Variants in MED9 observed in about 807,000 individuals in gnomAD.
The protein encoded by MED9 is mediator complex subunit 9.
MED9 carries 8 observed loss-of-function variants against 13.2 expected under a neutral mutation model. The observed-to-expected ratio is 0.61, with a 90% confidence interval of 0.36 to 1.10. The LOEUF (loss-of-function observed/expected upper bound fraction) is 1.10. MED9 is among the 50% of genes least tolerant of loss of function. The pLI, the probability that MED9 is intolerant of heterozygous loss-of-function variation, is 0.02. For missense variants in MED9, 180 were observed against 193.4 expected, an observed-to-expected ratio of 0.93 and a Z score of 0.41; for synonymous variants, 87 against 82.8, an observed-to-expected ratio of 1.05 and a Z score of -0.28.
rs567837830 is a variant in MED9 at position 17,489,552 on chromosome 17, G to C, written c.225-1727G>C. ...TAAATTCGTAACGGTATGTTAACAC[G>C]CATGCCATCCGAGTAGAAGGATTTC... On this transcript the variant is annotated intron_variant, in intron 1 of 1. Transcript: ENST00000268711. 2.6e-5 allele frequency among the ~76,000 whole-genome samples: 4 copies of C among 152,170 alleles called. No homozygotes were observed. In the South Asian group the frequency reaches 8.3e-4, roughly 32 times the overall value.
intron 1 of MED9, chr17:17,488,462 A>G (rs1905174841): frequency 6.6e-6 from 1 of 152,274 alleles, no homozygotes; most frequent in African/African-American, 2.4e-5. Context: ...TGACACGGAT[A>G]CAACTGTCTG....
chr17:17,487,158 C>A (rs898112107), intron 1 of MED9: 1 of 152,212 alleles, frequency 6.6e-6, no homozygotes, highest in Non-Finnish European at 1.5e-5. Context: ...CTGATGGGGA[C>A]GGGGAGAACC....
intron 1 of MED9, among the ~76,000 whole-genome samples, chr17:17,480,229 C>T (rs912518163): frequency 6.6e-6 from 1 of 152,030 alleles, no homozygotes; most frequent in African/African-American, 2.4e-5. Context: ...AGAGAAAGTT[C>T]ACAGTCTGAA....
In MED9 at chr17:17,491,869, T is replaced by G. The variant is rs1276491655; in HGVS notation, c.*374T>G. ...AGAGCACAGTAGGAAGGGAGGCGGCTCCTCTTTGCTTCCTTCCCTCTCTCT... is the reference window on the plus strand; with the variant it reads ...AGAGCACAGTAGGAAGGGAGGCGGCGCCTCTTTGCTTCCTTCCCTCTCTCT... On this transcript the variant is annotated 3_prime_UTR_variant, in exon 2 of 2. Coordinates refer to ENST00000268711, the MANE Select transcript of MED9 (RefSeq NM_018019.3). 2 of 296,390 alleles carry G rather than the reference T, an allele frequency of 6.7e-6. No individual in the cohort carries two copies. The highest frequency in any genetic ancestry group is 4.6e-5 in the Admixed American group (1 of 21,778). 18.4% of individuals were successfully genotyped at this position (296,390 alleles called of 1,614,324 possible). A position where few individuals can be genotyped will look rare whatever the true frequency, so the allele number is the denominator to read the frequency against.
chr17:17,490,573 G>T (rs1280335355), intron 1 of MED9, among the ~76,000 whole-genome samples: 1 of 152,224 alleles, frequency 6.6e-6, no homozygotes, highest in Non-Finnish European at 1.5e-5. Context: ...CGAACCGTCT[G>T]CCTTGAAAGT....
Position 17,493,182 on chromosome 17 carries a change from A to G in MED9, c.*1687A>G, listed in dbSNP as rs1905276828. ...CTTTTTTGACTTGTGACATTTTTCA[A>G]ACACATAATTAAAAGGACTTATGCT... On this transcript the variant is annotated 3_prime_UTR_variant, in exon 2 of 2. Coordinates refer to ENST00000268711, the MANE Select transcript of MED9 (RefSeq NM_018019.3). 6.6e-6 allele frequency: 1 copy of G among 152,194 alleles called. No individual in the cohort carries two copies. The highest frequency in any genetic ancestry group is 1.5e-5 in the Non-Finnish European group (1 of 68,036). The allele number at this position is 152,194 out of a possible 1,614,324, so 9.4% of individuals were successfully genotyped here.
chr17:17,489,549 C>T (rs188083457), intron 1 of MED9, among the ~76,000 whole-genome samples: 21 of 152,134 alleles, frequency 1.4e-4, no homozygotes, highest in Non-Finnish European at 2.5e-4. Flanking sequence ...GGTATGTTAA[C>T]ACGCATGCCA....
rs111596147 is a variant in MED9 at position 17,492,469 on chromosome 17, G to C, written c.*974G>C. On this transcript the variant is annotated 3_prime_UTR_variant, in exon 2 of 2. Transcript: ENST00000268711. The stretch of plus-strand genomic sequence containing the variant: ...CTTGTGTTGAGAGAGAGGCAACCCT[G>C]GGGGCCAGTTCAGGTGGTCCCCAAC... The C allele has an allele frequency of 9.1e-4, 134 of 146,916 alleles. No individual in the cohort carries two copies. The highest frequency in any genetic ancestry group is 3.5e-3 in the African/African-American group (128 of 36,458). The allele number at this position is 146,916 out of a possible 1,614,324, so 9.1% of individuals were successfully genotyped here. A position where few individuals can be genotyped will look rare whatever the true frequency, so the allele number is the denominator to read the frequency against.
chr17:17,483,083 A>G lies in MED9; in HGVS notation c.224+5818A>G, dbSNP rs1306690651. 6.6e-6 allele frequency among the ~76,000 whole-genome samples: 1 copy of G among 152,054 alleles called. No individual in the cohort carries two copies. The highest frequency in any genetic ancestry group is 1.5e-5 in the Non-Finnish European group (1 of 68,012). On this transcript the variant is annotated intron_variant, in intron 1 of 1. Transcript: ENST00000268711. The surrounding 1 kb of genome is among the most constrained non-coding windows in gnomAD (Gnocchi z 4.2). ...CTAGCAGCCTGCCTGATGCTAGATC[A>G]TGATGCTTTTGTTAATGGAACATTT... is the stretch of plus-strand genomic sequence containing the variant.
intron 1 of MED9, among the ~76,000 whole-genome samples, chr17:17,490,608 G>C (rs1244953087): frequency 1.3e-5 from 2 of 152,206 alleles, no homozygotes; most frequent in Non-Finnish European, 2.9e-5. Flanking sequence ...GACAAGGACT[G>C]TCCATGACCA....
Position 17,477,047 on chromosome 17 carries a change from C to T in MED9, c.6C>T (p.Ala2=), listed in dbSNP as rs753941762. M[A]SAGVAAGRQA... is the part of the protein sequence containing the mutation. ...GCTAACCTACCCCCGGAGCCATGGCCTCTGCTGGGGTGGCAGCCGGGCGAC... is the reference window on the plus strand; with the variant it reads ...GCTAACCTACCCCCGGAGCCATGGCTTCTGCTGGGGTGGCAGCCGGGCGAC... Residue 2 remains alanine (A), a synonymous_variant, in exon 1 of 2, where the codon GCC becomes GCT. Transcript: ENST00000268711. The T allele has an allele frequency of 3.1e-6, 5 of 1,606,044 alleles. No homozygotes were observed. In the South Asian group the frequency reaches 4.4e-5, roughly 14 times the overall value.
intron 1 of MED9, among the ~76,000 whole-genome samples, chr17:17,478,540 C>T (rs2142468727): frequency 1.3e-5 from 2 of 152,294 alleles, no homozygotes; most frequent in Middle Eastern, 3.4e-3. Flanking sequence ...ACCCTGGCTT[C>T]ATTTGGTTTC....
chr17:17,485,531 C>A lies in MED9; in HGVS notation c.225-5748C>A, dbSNP rs534026326. 1.4e-3 allele frequency: 543 copies of A among 389,740 alleles called. 2 individuals are homozygous for A. The highest frequency in any genetic ancestry group is 0.011 in the African/African-American group (512 of 48,450). The allele number at this position is 389,740 out of a possible 1,614,324, so 24.1% of individuals were successfully genotyped here. On this transcript the variant is annotated intron_variant, in intron 1 of 1. Transcript: ENST00000268711. The stretch of plus-strand genomic sequence containing the variant: ...GCTGGTCTAGAGGAGATGGAGCTGG[C>A]AGGATGGTGGCTGGAAGAAGGGGGC...
At chr17:17,485,240 G>T in intron 1 of MED9, 1 of 397,088 alleles carries the variant, frequency 2.5e-6, no homozygotes, top group South Asian at 1.3e-4. Flanking sequence ...TCTGTCTACA[G>T]GCACACGCCA....
chr17:17,489,440 TTTTG>T (rs1031439867), intron 1 of MED9, among the ~76,000 whole-genome samples: 7 of 152,224 alleles, frequency 4.6e-5, no homozygotes, highest in Non-Finnish European at 8.8e-5. Context: ...TTAAGTACTT[TTTTG>T]TTTGTTTTAC....
At chr17:17,484,998 ATTATT>A (rs1403635260) in intron 1 of MED9, 3 of 163,588 alleles carry the variant, frequency 1.8e-5, no homozygotes, top group African/African-American at 7.1e-5. Flanking sequence ...GCCATCTGGA[ATTATT>A]TTATTTTATT....
intron 1 of MED9, chr17:17,485,262 T>C: frequency 7.5e-6 from 3 of 397,964 alleles, no homozygotes; most frequent in Non-Finnish European, 1.3e-5. Flanking sequence ...CACGCCTTTG[T>C]AAAAATACAA....
Position 17,491,765 on chromosome 17 carries a change from C to T in MED9, c.*270C>T. On this transcript the variant is annotated 3_prime_UTR_variant, in exon 2 of 2. Coordinates refer to ENST00000268711, the MANE Select transcript of MED9 (RefSeq NM_018019.3). ...GTGGAAGTCAGAATGCTCCTGGAGG[C>T]TGCAGAGGGGGTGGAGGACTCTCCC... is the stretch of plus-strand genomic sequence containing the variant. 1 of 450,336 alleles carries T rather than the reference C, an allele frequency of 2.2e-6. No homozygotes were observed. Among genetic ancestry groups the T allele is most frequent in the South Asian group, 2.2e-5 (1 of 46,480 alleles). 27.9% of individuals were successfully genotyped at this position (450,336 alleles called of 1,614,324 possible).
intron 1 of MED9, chr17:17,485,046 C>T (rs1905102003): frequency 8.0e-6 from 2 of 249,468 alleles, no homozygotes; most frequent in Admixed American, 5.5e-5. Flanking sequence ...CACTCTGTCG[C>T]CCAGGCTGGA....
Sources: allele counts gnomAD v4.1 joint callset (sites outside exome capture counted in the v4.1 genomes callset), GRCh38; gene constraint gnomAD v4.1.1; non-coding constraint Gnocchi (gnomAD v3.1); transcripts MANE v1.5; gene names NCBI Gene and HGNC (gene_info 2026-07-23, HGNC 2026-07-21).